The following ATAD1 variants were observed in gnomAD, a reference collection of about 807,000 sequenced individuals.
ATAD1 encodes the protein ATPase family AAA domain containing 1, also known as outer mitochondrial transmembrane helix translocase.
Under a neutral mutation model 42.7 loss-of-function variants are expected in ATAD1, and 18 were observed. That is an observed-to-expected ratio of 0.42 (90% CI 0.29 to 0.63). ATAD1 has a LOEUF of 0.63. Ranked by LOEUF, ATAD1 falls within the 20% of genes least tolerant of loss-of-function variation. The pLI, the probability that ATAD1 is intolerant of heterozygous loss-of-function variation, is 0.19. For synonymous variants in ATAD1, 132 were observed against 143.1 expected (o/e 0.92, Z 0.55); for missense variants, 294 against 440.4 (o/e 0.67, Z 2.98).
At chr10:87,804,307 G>A (rs937013895) in intron 2 of ATAD1, among the ~76,000 whole-genome samples, 8 of 152,252 alleles carry the variant, frequency 5.3e-5, no homozygotes, top group South Asian at 2.1e-4. Context: ...TGTATAACTC[G>A]TGTATGAAAT....
intron 7 of ATAD1, among the ~76,000 whole-genome samples, chr10:87,769,241 G>A (rs2131807861): frequency 6.6e-6 from 1 of 152,256 alleles, no homozygotes; most frequent in South Asian, 2.1e-4. Context: ...AGCATATAAA[G>A]TTCACCTAAA....
intron 8 of ATAD1, among the ~76,000 whole-genome samples, chr10:87,758,736 T>C (rs1196132135): frequency 6.6e-6 from 1 of 152,144 alleles, no homozygotes; most frequent in Non-Finnish European, 1.5e-5. Context: ...TGAGAAGTCA[T>C]TATATAATGA....
At chr10:87,803,232 T>C (rs1415478857) in intron 2 of ATAD1, among the ~76,000 whole-genome samples, 1 of 152,210 alleles carries the variant, frequency 6.6e-6, no homozygotes, top group Admixed American at 6.5e-5. Context: ...ACTCAGGACC[T>C]ATCCGTCAAG....
At position 87,754,789 on chromosome 10, in the gene ATAD1, A is replaced by G. The variant is rs1854146518; in HGVS notation, c.984T>C (p.Ile328=). Residue 328 remains isoleucine, a synonymous_variant, in exon 10 of 10, where the codon ATT becomes ATC. Coordinates refer to ENST00000680024, the MANE Select transcript of ATAD1 (RefSeq NM_001321967.2). ...GCAGGTCCTGCTGTTGAACAGGCCG[A>G]ATTTCATCTTCGTCATGGCTAAAAT... ...TSEESHDEDE[I]RPVQQQDLHR... 1.2e-6 allele frequency: 2 copies of G among 1,613,246 alleles called. No homozygotes were observed. The highest frequency in any genetic ancestry group is 1.7e-6 in the Non-Finnish European group (2 of 1,179,424).
intron 2 of ATAD1, among the ~76,000 whole-genome samples, chr10:87,806,880 T>G (rs1374864154): frequency 6.6e-6 from 1 of 152,188 alleles, no homozygotes; most frequent in Non-Finnish European, 1.5e-5. Flanking sequence ...CTTTAGACAC[T>G]TAGCCAGAGG....
At chr10:87,797,987 G>A (rs751367302) in intron 2 of ATAD1, among the ~76,000 whole-genome samples, 7 of 152,174 alleles carry the variant, frequency 4.6e-5, no homozygotes, top group Non-Finnish European at 1.0e-4. Flanking sequence ...GGGTGACCGG[G>A]GGCCTAATGG....
At chr10:87,808,791 A>G (rs1857046581) in intron 2 of ATAD1, among the ~76,000 whole-genome samples, 1 of 152,164 alleles carries the variant, frequency 6.6e-6, no homozygotes, top group African/African-American at 2.4e-5. Context: ...TATTTTTTCT[A>G]TATTGCTGAA....
intron 1 of ATAD1, among the ~76,000 whole-genome samples, chr10:87,830,695 C>A (rs141832579): frequency 1.3e-5 from 2 of 152,268 alleles, no homozygotes; most frequent in Non-Finnish European, 2.9e-5. Flanking sequence ...GTAAGAAACT[C>A]CTTACCTATT....
intron 7 of ATAD1, among the ~76,000 whole-genome samples, chr10:87,768,097 G>GT (rs2131802052): frequency 6.6e-6 from 1 of 152,068 alleles, no homozygotes; most frequent in South Asian, 2.1e-4. Context: ...TTTATTATCA[G>GT]TAATTCAAAG....
intron 1 of ATAD1, among the ~76,000 whole-genome samples, chr10:87,830,883 T>C (rs1270320751): frequency 6.6e-6 from 1 of 152,182 alleles, no homozygotes; most frequent in Non-Finnish European, 1.5e-5. Context: ...AAGATCTATA[T>C]CTATATTTAG....
chr10:87,802,992 C>T (rs1184402875), intron 2 of ATAD1, among the ~76,000 whole-genome samples: 1 of 152,086 alleles, frequency 6.6e-6, no homozygotes, highest in African/African-American at 2.4e-5. Context: ...TCTTAATGCC[C>T]TAAGAACTGA....
intron 8 of ATAD1, 109 bp downstream of exon 8, chr10:87,767,564 G>C: frequency 9.7e-7 from 1 of 1,027,828 alleles, no homozygotes; most frequent in Non-Finnish European, 1.5e-6. Context: ...GCAGGGGCTG[G>C]AGATCCTTGG....
intron 7 of ATAD1, among the ~76,000 whole-genome samples, chr10:87,769,760 AC>A (rs1195354194): frequency 4.6e-5 from 7 of 152,148 alleles, no homozygotes; most frequent in African/African-American, 1.7e-4. Context: ...AGCCTGGCCA[AC>A]ATGGTGAAAC....
upstream of ATAD1, among the ~76,000 whole-genome samples, chr10:87,822,959 G>T (rs1220678416): frequency 6.7e-6 from 1 of 150,200 alleles, no homozygotes; most frequent in South Asian, 2.1e-4. Context: ...TGAAAAAAAA[G>T]CTAAACTAAA....
intron 2 of ATAD1, among the ~76,000 whole-genome samples, chr10:87,810,797 T>C (rs1280752053): frequency 6.6e-6 from 1 of 152,198 alleles, no homozygotes; most frequent in Non-Finnish European, 1.5e-5. Context: ...TCTTTATCTT[T>C]AGTTGAAATA....
chr10:87,818,185 A>G lies in ATAD1; in HGVS notation c.-32T>C. ...TACTCACCCAGGGGCAGAAACAGCA[A>G]GAGCAAGTGCCCTCAGCCGGCCTCA... is the stretch of plus-strand genomic sequence containing the variant. On this transcript the variant is annotated 5_prime_UTR_variant, in exon 1 of 10. Coordinates refer to ENST00000680024, the MANE Select transcript of ATAD1 (RefSeq NM_001321967.2). 1 of 985,684 alleles carries G rather than the reference A, an allele frequency of 1.0e-6. No individual in the cohort carries two copies. Among genetic ancestry groups the G allele is most frequent in the South Asian group, 4.7e-5 (1 of 21,300 alleles). The allele number at this position is 985,684 out of a possible 1,614,324, so 61.1% of individuals were successfully genotyped here. A position where few individuals can be genotyped will look rare whatever the true frequency, so the allele number is the denominator to read the frequency against.
chr10:87,776,219 A>G, intron 6 of ATAD1, 102 bp downstream of exon 6: 1 of 798,730 alleles, frequency 1.3e-6, no homozygotes, highest in Non-Finnish European at 2.1e-6. Context: ...GTAAATAATT[A>G]TGAAAAAAAA....
At chr10:87,758,662 C>T (rs1000348666) in intron 8 of ATAD1, among the ~76,000 whole-genome samples, 4 of 151,854 alleles carry the variant, frequency 2.6e-5, no homozygotes, top group African/African-American at 7.3e-5. Context: ...AAGACATCAA[C>T]GATTAATAAA....
intron 9 of ATAD1, 100 bp from the exon 10 acceptor site, chr10:87,754,907 A>G: frequency 7.0e-7 from 1 of 1,432,416 alleles, no homozygotes; most frequent in Non-Finnish European, 9.2e-7. Context: ...TGGTAAAAAA[A>G]AAATTTTGTT....
Sources: allele counts gnomAD v4.1 joint callset (sites outside exome capture counted in the v4.1 genomes callset), GRCh38; gene constraint gnomAD v4.1.1; transcripts MANE v1.5; gene names NCBI Gene and HGNC (gene_info 2026-07-23, HGNC 2026-07-21).